The following GPC6 variants were observed in gnomAD, a reference collection of about 807,000 sequenced individuals.
GPC6 encodes the protein glypican-6.
Under a neutral mutation model 55.2 loss-of-function variants are expected in GPC6, and 14 were observed. The ratio of observed to expected loss-of-function variants is 0.25; its 90% CI spans 0.17 to 0.40. The LOEUF (loss-of-function observed/expected upper bound fraction) is 0.40, where lower values mean the gene tolerates loss of function less well. GPC6 is among the 10% of genes least tolerant of loss of function. The pLI is 1.00. For missense variants in GPC6, 641 were observed against 708.5 expected (o/e 0.90, Z 1.08); for synonymous variants, 278 against 259.6 (o/e 1.07, Z -0.68).
At chr13:93,358,973 CTCTTT>C (rs1368743472) in intron 1 of GPC6, among the ~76,000 whole-genome samples, 1 of 120,552 alleles carries the variant, frequency 8.3e-6, no homozygotes, top group East Asian at 6.3e-4. Flanking sequence ...AATTCTCTCT[CTCTTT>C]TTTTTTTTTT....
At chr13:93,524,942 A>G (rs891594437) in intron 1 of GPC6, among the ~76,000 whole-genome samples, 5 of 152,106 alleles carry the variant, frequency 3.3e-5, no homozygotes, top group African/African-American at 7.2e-5. Context: ...CTTCAGAAGG[A>G]ATCAGAAATT....
Position 93,315,826 on chromosome 13 carries a change from TC to T in GPC6, c.160+88213del, listed in dbSNP as rs970044875. Reference sequence around the variant, plus strand: ...GAGTGAGTGGGGAGTCACTGCCCCATCCCTTTATCTCTGCGTACCACTGTTC... The same window carrying T: ...GAGTGAGTGGGGAGTCACTGCCCCATCCTTTATCTCTGCGTACCACTGTTC... On this transcript the variant is annotated intron_variant, in intron 1 of 8. Transcript: ENST00000377047. Among the ~76,000 whole-genome samples the T allele has an allele frequency of 8.1e-4, 123 of 152,102 alleles. 1 individual carries two copies. Among genetic ancestry groups the T allele is most frequent in the African/African-American group, 2.9e-3 (119 of 41,528 alleles).
chr13:93,494,978 T>C (rs944432443), intron 1 of GPC6, among the ~76,000 whole-genome samples: 5 of 139,070 alleles, frequency 3.6e-5, no homozygotes, highest in African/African-American at 1.1e-4. Context: ...ATTTCAACTT[T>C]GGTGAATCTG....
At chr13:93,318,931 C>G (rs765092090) in intron 1 of GPC6, among the ~76,000 whole-genome samples, 9 of 152,156 alleles carry the variant, frequency 5.9e-5, no homozygotes, top group Non-Finnish European at 1.0e-4. Context: ...TGCCCTTACT[C>G]TAGTCAGAAT....
chr13:93,831,758 T>G (rs530333888), intron 3 of GPC6, among the ~76,000 whole-genome samples: 31 of 152,132 alleles, frequency 2.0e-4, no homozygotes, highest in African/African-American at 7.2e-4. Context: ...TTACAAGGGC[T>G]TATTTATCAA....
intron 4 of GPC6, among the ~76,000 whole-genome samples, chr13:94,215,963 G>C (rs1262408912): frequency 6.6e-6 from 1 of 151,862 alleles, no homozygotes; most frequent in Non-Finnish European, 1.5e-5. Context: ...ACTGATATGA[G>C]GCTGCGTATT....
At chr13:93,897,570 A>G (rs1005790875) in intron 3 of GPC6, among the ~76,000 whole-genome samples, 7 of 152,296 alleles carry the variant, frequency 4.6e-5, no homozygotes, top group Middle Eastern at 3.4e-3. Context: ...TAGCCTCTTC[A>G]GATTCACCAT....
chr13:94,372,353 C>T (rs956336567), intron 6 of GPC6, among the ~76,000 whole-genome samples: 14 of 152,094 alleles, frequency 9.2e-5, no homozygotes, highest in African/African-American at 3.4e-4. Context: ...TCAGTGGGTG[C>T]GCGCACCGTG....
At chr13:94,151,601 C>G (rs561703580) in intron 4 of GPC6, among the ~76,000 whole-genome samples, 1 of 152,214 alleles carries the variant, frequency 6.6e-6, no homozygotes, top group African/African-American at 2.4e-5. Context: ...AAGGATCCAC[C>G]AAACACTGCA....
intron 3 of GPC6, among the ~76,000 whole-genome samples, chr13:93,958,610 G>A (rs1260122348): frequency 6.6e-6 from 1 of 152,122 alleles, no homozygotes; most frequent in Admixed American, 6.6e-5. Flanking sequence ...TTATAGTATA[G>A]TTCAAAGTTG....
chr13:94,011,316 C>T (rs915149878), intron 3 of GPC6, among the ~76,000 whole-genome samples: 1 of 152,044 alleles, frequency 6.6e-6, no homozygotes, highest in Middle Eastern at 3.2e-3. Context: ...TTCAAAGTAA[C>T]CCCCTTCTGA....
chr13:93,823,623 A>T (rs1036394362), intron 2 of GPC6, among the ~76,000 whole-genome samples: 1 of 152,164 alleles, frequency 6.6e-6, no homozygotes, highest in Non-Finnish European at 1.5e-5. Context: ...AAAGTTTGGT[A>T]TCTTTACTTT....
At chr13:93,749,945 A>G (rs1884522193) in intron 2 of GPC6, among the ~76,000 whole-genome samples, 1 of 152,158 alleles carries the variant, frequency 6.6e-6, no homozygotes, top group African/African-American at 2.4e-5. Flanking sequence ...CCTGGACAGC[A>G]TATTTGAGTA....
At chr13:93,563,784 G>T (rs891640491) in intron 2 of GPC6, among the ~76,000 whole-genome samples, 1 of 151,424 alleles carries the variant, frequency 6.6e-6, no homozygotes, top group African/African-American at 2.4e-5. Context: ...GACTAATCCT[G>T]CCAGCAGAAA....
At chr13:94,194,624 G>A (rs1193243470) in intron 4 of GPC6, among the ~76,000 whole-genome samples, 1 of 151,976 alleles carries the variant, frequency 6.6e-6, no homozygotes, top group East Asian at 1.9e-4. Context: ...AGGTGGCGAG[G>A]GATAAAAAAC....
intron 3 of GPC6, among the ~76,000 whole-genome samples, chr13:94,017,427 A>T (rs115213449): frequency 3.9e-5 from 6 of 152,172 alleles, no homozygotes; most frequent in African/African-American, 1.4e-4. Context: ...TACATCTTAC[A>T]TGGTGGCAGG....
chr13:94,026,844 C>A (rs933108113), intron 3 of GPC6, among the ~76,000 whole-genome samples: 1 of 152,040 alleles, frequency 6.6e-6, no homozygotes. Flanking sequence ...CCTATAAAAC[C>A]ATCACATCTG....
At chr13:93,274,953 A>G (rs1008929662) in intron 1 of GPC6, among the ~76,000 whole-genome samples, 3 of 152,214 alleles carry the variant, frequency 2.0e-5, no homozygotes, top group Admixed American at 2.0e-4. Context: ...AATGTTATAT[A>G]AAGAATTAGA....
intron 2 of GPC6, among the ~76,000 whole-genome samples, chr13:93,671,699 G>T (rs1002279198): frequency 6.6e-6 from 1 of 151,922 alleles, no homozygotes; most frequent in Admixed American, 6.6e-5. Context: ...ACCACAGCGG[G>T]TACCAAATGG....
Sources: allele counts gnomAD v4.1 joint callset (sites outside exome capture counted in the v4.1 genomes callset), GRCh38; gene constraint gnomAD v4.1.1; transcripts MANE v1.5; gene names NCBI Gene and HGNC (gene_info 2026-07-23, HGNC 2026-07-21).